COL21A1: variants seen among roughly 807,000 people sequenced by gnomAD.
COL21A1 encodes collagen type XXI alpha 1 chain, also known as collagen alpha-1(XXI) chain.
In COL21A1, 149 loss-of-function variants were observed where a neutral mutation model predicts 137.9. The observed-to-expected ratio is 1.08, with a 90% CI of 0.95 to 1.24. The LOEUF is 1.24. COL21A1 is among the 50% of genes most tolerant of loss of function. The pLI is 0.00. For missense variants in COL21A1, 1,167 were observed against 1,158.4 expected, an observed-to-expected ratio of 1.01 and a Z score of -0.11; for synonymous variants, 456 against 391.5, an observed-to-expected ratio of 1.16 and a Z score of -1.95.
intron 1 of COL21A1, among the ~76,000 whole-genome samples, chr6:56,221,987 T>G (rs1780857255): frequency 6.6e-6 from 1 of 152,060 alleles, no homozygotes; most frequent in Non-Finnish European, 1.5e-5. Flanking sequence ...AAATTGAAAG[T>G]GTTGGCCAGG....
intron 1 of COL21A1, among the ~76,000 whole-genome samples, chr6:56,267,405 G>A (rs1582744032): frequency 1.3e-5 from 2 of 152,156 alleles, no homozygotes; most frequent in Admixed American, 1.3e-4. Flanking sequence ...AGAAATCACT[G>A]TTGAAGTTAA....
rs145420583 is a variant in COL21A1 at position 56,350,450 on chromosome 6, CT to C, written c.-39+43520del. Among the ~76,000 whole-genome samples, 760 of 152,254 alleles carry C rather than the reference CT, an allele frequency of 5.0e-3. 2 individuals carry two copies. The highest frequency in any genetic ancestry group is 0.017 in the African/African-American group (719 of 41,542). ...GTGATTATATCTTTTTCAATAGATCCTTTTTTTCATCCCTCAAAAGCGTATT... is the reference window on the plus strand; with the variant it reads ...GTGATTATATCTTTTTCAATAGATCCTTTTTTCATCCCTCAAAAGCGTATT... On this transcript the variant is annotated intron_variant, in intron 1 of 28. Coordinates refer to the COL21A1 transcript ENST00000370819.
chr6:56,121,618 A>G (rs1772543730), intron 16 of COL21A1, among the ~76,000 whole-genome samples: 3 of 149,806 alleles, frequency 2.0e-5, no homozygotes, highest in African/African-American at 7.3e-5. Flanking sequence ...CAAGTGTACA[A>G]TACCAAGAAT....
chr6:56,156,873 C>G lies in COL21A1; in HGVS notation c.1434+14G>C. 2 of 1,606,426 alleles carry G rather than the reference C, an allele frequency of 1.2e-6. No individual in the cohort carries two copies. The highest frequency in any genetic ancestry group is 1.7e-6 in the Non-Finnish European group (2 of 1,175,038). On this transcript the variant is annotated intron_variant, in intron 10 of 29. Coordinates refer to ENST00000244728, the MANE Select transcript of COL21A1 (RefSeq NM_030820.4). ...CCCAGATATACCGGAGATGACTAAG[C>G]TTTCAGTACTCACAGGCTTACCATC...
chr6:56,094,733 G>A (rs1299856825), intron 17 of COL21A1, among the ~76,000 whole-genome samples: 2 of 152,280 alleles, frequency 1.3e-5, no homozygotes, highest in African/African-American at 4.8e-5. Flanking sequence ...ATGCAAGAGT[G>A]GGGACTGGCT....
intron 1 of COL21A1, among the ~76,000 whole-genome samples, chr6:56,386,974 C>A (rs1372916164): frequency 1.3e-5 from 2 of 152,178 alleles, no homozygotes; most frequent in East Asian, 3.9e-4. Context: ...AGGGTTAGGC[C>A]AGATGGCCTA....
chr6:56,376,412 T>C (rs2093999346), intron 1 of COL21A1, among the ~76,000 whole-genome samples: 1 of 150,972 alleles, frequency 6.6e-6, no homozygotes, highest in Non-Finnish European at 1.5e-5. Context: ...GAGTAAGAAA[T>C]ACCAGTAACC....
rs1279846005 is a variant in COL21A1 at position 56,212,429 on chromosome 6, A to G, written c.-38-29773T>C. 2.0e-5 allele frequency among the ~76,000 whole-genome samples: 3 copies of G among 152,050 alleles called. No homozygotes were observed. In the East Asian group the frequency reaches 5.8e-4, roughly 29 times the overall value. On this transcript the variant is annotated intron_variant, in intron 1 of 29. Coordinates refer to ENST00000244728, the MANE Select transcript of COL21A1 (RefSeq NM_030820.4). ...AGCATAGGTTTGCTACCAATAAAAT[A>G]CCTATTCCTACTCCGAGGGATTCTA...
intron 3 of COL21A1, among the ~76,000 whole-genome samples, chr6:56,173,030 A>G (rs1308657936): frequency 6.6e-6 from 1 of 152,148 alleles, no homozygotes; most frequent in East Asian, 1.9e-4. Flanking sequence ...CAAAATGGCA[A>G]CAATAATTTT....
At chr6:56,379,662 A>G (rs776962956) in intron 1 of COL21A1, among the ~76,000 whole-genome samples, 4 of 152,198 alleles carry the variant, frequency 2.6e-5, no homozygotes, top group Non-Finnish European at 5.9e-5. Flanking sequence ...TAGGGAAAAG[A>G]GTACTCTGGT....
chr6:56,105,870 T>G (rs988405072), intron 16 of COL21A1, among the ~76,000 whole-genome samples: 6 of 152,210 alleles, frequency 3.9e-5, no homozygotes, highest in African/African-American at 1.4e-4. Flanking sequence ...ATATCCAGCT[T>G]AAATACCACA....
chr6:56,272,381 C>T (rs1763549472), intron 1 of COL21A1, among the ~76,000 whole-genome samples: 1 of 150,610 alleles, frequency 6.6e-6, no homozygotes, highest in Admixed American at 6.6e-5. Flanking sequence ...TTACCCAATG[C>T]CTGCACCCCC....
At chr6:56,086,261 G>A (rs935475925) in intron 17 of COL21A1, among the ~76,000 whole-genome samples, 1 of 151,616 alleles carries the variant, frequency 6.6e-6, no homozygotes, top group Admixed American at 6.6e-5. Context: ...CCCACCACAC[G>A]ATTTTTATAT....
At chr6:56,299,688 T>C (rs1366866123) in intron 1 of COL21A1, among the ~76,000 whole-genome samples, 1 of 152,086 alleles carries the variant, frequency 6.6e-6, no homozygotes, top group African/African-American at 2.4e-5. Flanking sequence ...TTCATCAATA[T>C]CTTATTTCTC....
At chr6:56,085,202 T>C (rs1180245916) in intron 17 of COL21A1, among the ~76,000 whole-genome samples, 1 of 151,922 alleles carries the variant, frequency 6.6e-6, no homozygotes, top group African/African-American at 2.4e-5. Flanking sequence ...ATTTTTTAAA[T>C]CTGGAAAAAA....
intron 20 of COL21A1, among the ~76,000 whole-genome samples, chr6:56,072,583 T>C (rs1348168719): frequency 6.6e-6 from 1 of 151,322 alleles, no homozygotes; most frequent in Non-Finnish European, 1.5e-5. Flanking sequence ...TACACTATGA[T>C]CCATGGGTTA....
Position 56,057,382 on chromosome 6 carries a change from G to A in COL21A1, c.*275C>T, listed in dbSNP as rs1255358291. The A allele has an allele frequency of 1.3e-5, 5 of 384,426 alleles. No homozygotes were observed. Among genetic ancestry groups the A allele is most frequent in the Non-Finnish European group, 2.3e-5 (5 of 213,574 alleles). The allele number at this position is 384,426 out of a possible 1,614,324, so 23.8% of individuals were successfully genotyped here. A position where few individuals can be genotyped will look rare whatever the true frequency, so the allele number is the denominator to read the frequency against. On this transcript the variant is annotated 3_prime_UTR_variant, in exon 30 of 30. Transcript: ENST00000244728. ...AAAACTGACTGGCTAACAGGCAATG[G>A]TGGATTTTTATATTCAACTTTGATT...
rs1265581033 is a variant in COL21A1 at position 56,056,674 on chromosome 6, T to C, written c.*983A>G. The C allele has an allele frequency of 2.6e-5, 4 of 152,218 alleles. No homozygotes were observed. The highest frequency in any genetic ancestry group is 9.6e-5 in the African/African-American group (4 of 41,472). 9.4% of individuals were successfully genotyped at this position (152,218 alleles called of 1,614,324 possible). A position where few individuals can be genotyped will look rare whatever the true frequency, so the allele number is the denominator to read the frequency against. ...CATGACAAGGATGAAATATTTCAAA[T>C]TCTGTTTCTTACAAAAGCATTAAGC... On this transcript the variant is annotated 3_prime_UTR_variant, in exon 30 of 30. Coordinates refer to ENST00000244728, the MANE Select transcript of COL21A1 (RefSeq NM_030820.4).
At chr6:56,344,166 C>A (rs371514765) in intron 1 of COL21A1, among the ~76,000 whole-genome samples, 9 of 152,238 alleles carry the variant, frequency 5.9e-5, no homozygotes, top group African/African-American at 1.9e-4. Flanking sequence ...TTCCTATAAT[C>A]GCTAACATAA....
Sources: allele counts gnomAD v4.1 joint callset (sites outside exome capture counted in the v4.1 genomes callset), GRCh38; gene constraint gnomAD v4.1.1; transcripts MANE v1.5; gene names NCBI Gene and HGNC (gene_info 2026-07-23, HGNC 2026-07-21).